GTF2IRD1: variants seen among roughly 807,000 people sequenced by gnomAD.
The protein encoded by GTF2IRD1 is GTF2I repeat domain containing 1.
In GTF2IRD1, 26 loss-of-function variants were observed where a neutral mutation model predicts 113.2. The observed-to-expected ratio is 0.23, with a 90% CI of 0.17 to 0.32. The LOEUF is 0.32. Ranked by LOEUF, GTF2IRD1 falls within the 10% of genes least tolerant of loss-of-function variation. The pLI is 1.00. For synonymous variants in GTF2IRD1, 484 were observed against 529.1 expected (o/e 0.91, Z 1.17); for missense variants, 864 against 1,280.8 (o/e 0.67, Z 4.97).
At chr7:74,584,776 T>C (rs1445117511) in intron 22 of GTF2IRD1, among the ~76,000 whole-genome samples, 3 of 152,094 alleles carry the variant, frequency 2.0e-5, no homozygotes, top group Non-Finnish European at 4.4e-5. Flanking sequence ...TGGGGTCCCA[T>C]GTTTTTTGTT....
At chr7:74,480,229 T>C (rs904821507) in intron 1 of GTF2IRD1, among the ~76,000 whole-genome samples, 12 of 152,178 alleles carry the variant, frequency 7.9e-5, no homozygotes, top group Non-Finnish European at 1.8e-4. Flanking sequence ...GAGCACCTGC[T>C]GTTGGGCCCT....
At chr7:74,467,628 G>A (rs1247938089) in intron 1 of GTF2IRD1, among the ~76,000 whole-genome samples, 1 of 152,102 alleles carries the variant, frequency 6.6e-6, no homozygotes, top group African/African-American at 2.4e-5. Flanking sequence ...AGCTTCCCGA[G>A]TAGCTGGGAT....
intron 25 of GTF2IRD1, among the ~76,000 whole-genome samples, chr7:74,600,799 A>G (rs1802711706): frequency 6.6e-6 from 1 of 152,120 alleles, no homozygotes; most frequent in Non-Finnish European, 1.5e-5. Flanking sequence ...ATACGGTGTT[A>G]GCAAAGGCAG....
intron 22 of GTF2IRD1, among the ~76,000 whole-genome samples, chr7:74,563,861 G>A (rs1800127608): frequency 6.6e-6 from 1 of 152,082 alleles, no homozygotes; most frequent in Non-Finnish European, 1.5e-5. Flanking sequence ...ACTCCAGCCT[G>A]GGTGACAGAG....
At chr7:74,577,912 A>G (rs587698278) in intron 22 of GTF2IRD1, among the ~76,000 whole-genome samples, 18 of 152,036 alleles carry the variant, frequency 1.2e-4, no homozygotes, top group African/African-American at 2.4e-4. Flanking sequence ...GGCTCAAACA[A>G]TCCTCCCGCA....
chr7:74,518,318 A>G lies in GTF2IRD1; in HGVS notation c.601A>G (p.Lys201Glu). Residue 201 changes from lysine to glutamate, a missense_variant, in exon 5 of 27, where the codon AAG (lysine) becomes GAG (glutamate). Coordinates refer to ENST00000424337, the MANE Select transcript of GTF2IRD1 (RefSeq NM_005685.4). Reference protein sequence around the residue: ...EHSHRIRFKLKRPLEDGGRDS... With the variant: ...EHSHRIRFKLERPLEDGGRDS... The stretch of plus-strand genomic sequence containing the variant: ...CAGCCACCGCATCCGCTTCAAGCTC[A>G]AGAGGTGAGTGAGGTAGCCGGCCCG... The G allele has an allele frequency of 6.3e-7, 1 of 1,583,346 alleles. No individual in the cohort carries two copies. Among genetic ancestry groups the G allele is most frequent in the East Asian group, 2.3e-5 (1 of 44,102 alleles).
At chr7:74,591,662 G>C (rs1435366967) in intron 24 of GTF2IRD1, among the ~76,000 whole-genome samples, 1 of 152,154 alleles carries the variant, frequency 6.6e-6, no homozygotes, top group African/African-American at 2.4e-5. Context: ...TTACAGGCGT[G>C]AGCCACTGCA....
At chr7:74,528,921 G>GGACA (rs1554347918) in intron 8 of GTF2IRD1, among the ~76,000 whole-genome samples, 3 of 104,648 alleles carry the variant, frequency 2.9e-5, no homozygotes, top group Non-Finnish European at 5.5e-5. Context: ...ATGGATGGAT[G>GGACA]GACGGACAAC....
intron 1 of GTF2IRD1, among the ~76,000 whole-genome samples, chr7:74,460,757 A>C (rs1554328927): frequency 1.3e-5 from 2 of 152,132 alleles, no homozygotes; most frequent in African/African-American, 4.8e-5. Flanking sequence ...CCTATTATAC[A>C]CCAAGTAAGA....
At chr7:74,568,793 A>G (rs1367851610) in intron 22 of GTF2IRD1, among the ~76,000 whole-genome samples, 8 of 152,180 alleles carry the variant, frequency 5.3e-5, no homozygotes, top group African/African-American at 1.4e-4. Flanking sequence ...AAATGTCCCC[A>G]TGGGGATGAA....
chr7:74,454,833 G>A (rs180706381), intron 1 of GTF2IRD1, among the ~76,000 whole-genome samples: 2 of 152,324 alleles, frequency 1.3e-5, no homozygotes, highest in East Asian at 3.9e-4. Flanking sequence ...TACTCGGTCT[G>A]TGGGTGGTCT....
At chr7:74,517,223 C>T (rs1463010802) in intron 4 of GTF2IRD1, among the ~76,000 whole-genome samples, 2 of 151,686 alleles carry the variant, frequency 1.3e-5, no homozygotes, top group Non-Finnish European at 2.9e-5. Flanking sequence ...GGGGTTTCAC[C>T]ATGTTGGCCA....
chr7:74,475,869 G>A (rs1554333432), intron 1 of GTF2IRD1, among the ~76,000 whole-genome samples: 1 of 152,180 alleles, frequency 6.6e-6, no homozygotes, highest in East Asian at 1.9e-4. Flanking sequence ...GGACTCTGCG[G>A]CCTGATCCTG....
intron 1 of GTF2IRD1, among the ~76,000 whole-genome samples, chr7:74,475,606 G>A (rs1157409513): frequency 6.6e-6 from 1 of 152,218 alleles, no homozygotes; most frequent in East Asian, 1.9e-4. Context: ...TTTGGAAGGG[G>A]AGGGGCCGCT....
chr7:74,548,491 C>T (rs1202688671), intron 17 of GTF2IRD1, among the ~76,000 whole-genome samples: 3 of 151,700 alleles, frequency 2.0e-5, no homozygotes, highest in African/African-American at 7.3e-5. Context: ...TGGGGGATTT[C>T]AGGAACAGTG....
At chr7:74,560,747 A>G (rs1373365645) in intron 22 of GTF2IRD1, among the ~76,000 whole-genome samples, 16 of 151,694 alleles carry the variant, frequency 1.1e-4, no homozygotes, top group Non-Finnish European at 2.2e-4. Context: ...ATGCCCGGCT[A>G]ATTTTTGTGT....
In GTF2IRD1 at chr7:74,508,220, A is replaced by G. The variant is rs782444967; in HGVS notation, c.123+17A>G. 6.2e-7 allele frequency: 1 copy of G among 1,607,322 alleles called. No homozygotes were observed. The highest frequency in any genetic ancestry group is 1.7e-5 in the Admixed American group (1 of 59,620). ...GACTCCATGGTGAGTGTCCCCACCCACCCAAGAGGAGGGGACAGGGTGAGC... is the reference window on the plus strand; with the variant it reads ...GACTCCATGGTGAGTGTCCCCACCCGCCCAAGAGGAGGGGACAGGGTGAGC... On this transcript the variant is annotated intron_variant, in intron 2 of 26. Coordinates refer to ENST00000424337, the MANE Select transcript of GTF2IRD1 (RefSeq NM_005685.4).
At chr7:74,532,784 C>T (rs1554349222) in intron 9 of GTF2IRD1, among the ~76,000 whole-genome samples, 1 of 152,188 alleles carries the variant, frequency 6.6e-6, no homozygotes, top group African/African-American at 2.4e-5. Context: ...CTCTGCCTCC[C>T]AGGACTGGTG....
chr7:74,498,596 G>T (rs569371202), intron 1 of GTF2IRD1, among the ~76,000 whole-genome samples: 1 of 152,080 alleles, frequency 6.6e-6, no homozygotes, highest in East Asian at 1.9e-4. Context: ...AGCCTTATTT[G>T]TCAGGCCCCT....
Sources: allele counts gnomAD v4.1 joint callset (sites outside exome capture counted in the v4.1 genomes callset), GRCh38; gene constraint gnomAD v4.1.1; transcripts MANE v1.5; gene names NCBI Gene and HGNC (gene_info 2026-07-23, HGNC 2026-07-21).